SLC39A11: variants seen among roughly 807,000 people sequenced by gnomAD.
SLC39A11 encodes zinc transporter ZIP11.
A neutral mutation model predicts 36.1 loss-of-function variants in SLC39A11; 33 were observed. The observed-to-expected ratio is 0.91, with a 90% CI of 0.69 to 1.22. SLC39A11 has a LOEUF of 1.22. SLC39A11 is among the 50% of genes most tolerant of loss of function. SLC39A11 has a pLI of 0.00. For missense variants in SLC39A11, 432 were observed against 430.3 expected (o/e 1.00, Z -0.03); for synonymous variants, 166 against 170.3 (o/e 0.97, Z 0.20).
chr17:72,898,206 C>T (rs2082127346), intron 5 of SLC39A11, among the ~76,000 whole-genome samples: 1 of 152,152 alleles, frequency 6.6e-6, no homozygotes, highest in African/African-American at 2.4e-5. Context: ...TACCTGCGCA[C>T]ATAGACACGT....
intron 3 of SLC39A11, among the ~76,000 whole-genome samples, chr17:73,044,420 C>T (rs1439455971): frequency 2.0e-5 from 3 of 152,188 alleles, no homozygotes; most frequent in African/African-American, 2.4e-5. Context: ...AATCATTACA[C>T]GGAGTGAAAG....
At chr17:73,089,011 C>T (rs1009066470) in intron 1 of SLC39A11, among the ~76,000 whole-genome samples, 7 of 152,096 alleles carry the variant, frequency 4.6e-5, no homozygotes, top group Admixed American at 1.3e-4. Flanking sequence ...CAGGGAGATG[C>T]CAGGGGAATC....
intron 4 of SLC39A11, among the ~76,000 whole-genome samples, chr17:73,016,221 G>A (rs1057253513): frequency 2.6e-5 from 4 of 152,020 alleles, no homozygotes; most frequent in African/African-American, 9.7e-5. Flanking sequence ...CTTAAAGGGA[G>A]GTCCATGGAT....
At chr17:72,733,370 T>C (rs977562503) in intron 7 of SLC39A11, among the ~76,000 whole-genome samples, 1 of 152,198 alleles carries the variant, frequency 6.6e-6, no homozygotes, top group Non-Finnish European at 1.5e-5. Flanking sequence ...AGTTTTTTCA[T>C]ACAAATTGTG....
chr17:72,969,122 A>C (rs1051971676), intron 4 of SLC39A11, among the ~76,000 whole-genome samples: 4 of 152,122 alleles, frequency 2.6e-5, no homozygotes, highest in South Asian at 2.1e-4. Flanking sequence ...GCCCTCAGGG[A>C]ACATATTGCA....
At chr17:73,040,153 A>T (rs578003010) in intron 3 of SLC39A11, among the ~76,000 whole-genome samples, 1 of 152,238 alleles carries the variant, frequency 6.6e-6, no homozygotes, top group Non-Finnish European at 1.5e-5. Context: ...CCACTAATGA[A>T]CAGGGCTAAT....
At chr17:72,993,195 C>A (rs2089293072) in intron 4 of SLC39A11, among the ~76,000 whole-genome samples, 6 of 151,964 alleles carry the variant, frequency 3.9e-5, no homozygotes, top group Admixed American at 3.9e-4. Flanking sequence ...GCAGCAGGCA[C>A]CAGGGAATTT....
At position 72,657,846 on chromosome 17, in the gene SLC39A11, G is replaced by A. The variant is rs560552623; in HGVS notation, c.672-8578C>T. ...CCCTACCTAAAACTCGCAATGGTCT[G>A]ATGCAAATTTTGACCGCTTTTAGCC... On this transcript the variant is annotated intron_variant, in intron 7 of 9. Coordinates refer to ENST00000255559, the MANE Select transcript of SLC39A11 (RefSeq NM_139177.4). Among the ~76,000 whole-genome samples the A allele has an allele frequency of 7.7e-4, 117 of 152,336 alleles. No individual in the cohort carries two copies. The Middle Eastern group carries it at 0.02, about 27-fold the overall frequency.
intron 4 of SLC39A11, among the ~76,000 whole-genome samples, chr17:72,969,706 TC>T (rs2087291481): frequency 6.6e-6 from 1 of 151,838 alleles, no homozygotes; most frequent in Non-Finnish European, 1.5e-5. Context: ...CAGCAGACAA[TC>T]CAGAAGGAAA....
chr17:73,018,994 G>A (rs2058258027), intron 4 of SLC39A11, among the ~76,000 whole-genome samples: 1 of 152,120 alleles, frequency 6.6e-6, no homozygotes, highest in East Asian at 1.9e-4. Context: ...CTTCTCATCA[G>A]AAACAACATA....
intron 7 of SLC39A11, among the ~76,000 whole-genome samples, chr17:72,680,499 A>G (rs2071465921): frequency 6.6e-6 from 1 of 152,134 alleles, no homozygotes; most frequent in Non-Finnish European, 1.5e-5. Context: ...TGGTTTTATA[A>G]AGGGCAGTTT....
intron 3 of SLC39A11, among the ~76,000 whole-genome samples, chr17:73,078,228 A>T (rs755835870): frequency 1.4e-5 from 2 of 143,022 alleles, no homozygotes; most frequent in Non-Finnish European, 1.5e-5. Context: ...ACAGAGCAAG[A>T]CTCCGTCTCA....
chr17:72,816,319 G>A (rs1165538721), intron 6 of SLC39A11, among the ~76,000 whole-genome samples: 1 of 152,104 alleles, frequency 6.6e-6, no homozygotes, highest in Non-Finnish European at 1.5e-5. Flanking sequence ...GAATCAGAGA[G>A]TTCTGTTGTT....
At chr17:73,042,291 G>T (rs549401188) in intron 3 of SLC39A11, among the ~76,000 whole-genome samples, 61 of 152,298 alleles carry the variant, frequency 4.0e-4, no homozygotes, top group African/African-American at 1.2e-3. Flanking sequence ...CACTTACAAT[G>T]CACTGAATGT....
intron 4 of SLC39A11, among the ~76,000 whole-genome samples, chr17:73,004,094 GGAAGAAAGAA>G (rs1217245548): frequency 4.6e-4 from 66 of 143,920 alleles, no homozygotes; most frequent in South Asian, 1.1e-3. Context: ...AAGAAAGAAA[GGAAGAAAGAA>G]AGAGAGAGAG....
intron 5 of SLC39A11, among the ~76,000 whole-genome samples, chr17:72,859,000 C>T (rs2079810056): frequency 6.6e-6 from 1 of 152,182 alleles, no homozygotes; most frequent in African/African-American, 2.4e-5. Flanking sequence ...TTTCTCTTGA[C>T]TGATTGCTTA....
At chr17:72,907,727 C>A (rs149490742) in intron 5 of SLC39A11, among the ~76,000 whole-genome samples, 119 of 152,352 alleles carry the variant, frequency 7.8e-4, no homozygotes, top group Middle Eastern at 6.8e-3. Context: ...AGTTCCATTC[C>A]CCTTAAATGG....
intron 5 of SLC39A11, among the ~76,000 whole-genome samples, chr17:72,946,862 A>C (rs541638441): frequency 1.1e-4 from 16 of 152,154 alleles, no homozygotes; most frequent in African/African-American, 3.6e-4. Flanking sequence ...ATCTTCAACA[A>C]CTTCTCAAAG....
intron 7 of SLC39A11, among the ~76,000 whole-genome samples, chr17:72,674,118 C>T (rs1478315912): frequency 6.6e-6 from 1 of 151,924 alleles, no homozygotes; most frequent in South Asian, 2.1e-4. Context: ...CTGTCACTTC[C>T]TCCTCACCCT....
Sources: allele counts gnomAD v4.1 joint callset (sites outside exome capture counted in the v4.1 genomes callset), GRCh38; gene constraint gnomAD v4.1.1; transcripts MANE v1.5; gene names NCBI Gene and HGNC (gene_info 2026-07-23, HGNC 2026-07-21).